Variants in RPIA observed in about 807,000 individuals in gnomAD.
RPIA encodes ribose-5-phosphate isomerase.
In RPIA, 29 loss-of-function variants were observed where a neutral mutation model predicts 37.8. That is an observed-to-expected ratio of 0.77 (90% CI 0.57 to 1.05). The LOEUF is 1.05. Ranked by LOEUF, RPIA falls within the 50% of genes least tolerant of loss-of-function variation. The pLI is 0.00. For synonymous variants in RPIA, 167 were observed against 157.0 expected (o/e 1.06, Z -0.48); for missense variants, 385 against 413.6 (o/e 0.93, Z 0.60).
At chr2:88,724,609 G>T (rs1673174935) in intron 3 of RPIA, among the ~76,000 whole-genome samples, 1 of 152,118 alleles carries the variant, frequency 6.6e-6, no homozygotes, top group Non-Finnish European at 1.5e-5. Flanking sequence ...GTGCCTGGCA[G>T]CTCCTGAGGA....
intron 3 of RPIA, among the ~76,000 whole-genome samples, chr2:88,701,682 CTA>C (rs1672834899): frequency 1.3e-3 from 1 of 800 alleles, no homozygotes; most frequent in South Asian, 0.045. Flanking sequence ...AGTTTGAGGA[CTA>C]TAGATCAGGG....
At chr2:88,728,216 G>A (rs2104123544) in intron 3 of RPIA, among the ~76,000 whole-genome samples, 1 of 152,156 alleles carries the variant, frequency 6.6e-6, no homozygotes, top group Non-Finnish European at 1.5e-5. Context: ...TTTTTTTATT[G>A]TCTTATCCTT....
At chr2:88,745,034 T>C (rs141615355) in intron 8 of RPIA, among the ~76,000 whole-genome samples, 3,058 of 152,298 alleles carry the variant, frequency 0.02, 152 homozygotes, top group Admixed American at 0.1. Flanking sequence ...CTTGGCTCAC[T>C]GCAACCTTCA....
Position 88,736,603 on chromosome 2 carries a change from A to G in RPIA, c.665A>G (p.Tyr222Cys), listed in dbSNP as rs1041290612. The change falls in exon 7 of 9, where the codon TAT (tyrosine) becomes TGT (cysteine). Residue 222 changes from tyrosine to cysteine, a missense_variant. Tyr to Cys is a radical substitution (Grantham distance 194, BLOSUM62 -2). Coordinates refer to ENST00000283646, the MANE Select transcript of RPIA (RefSeq NM_144563.3). ...GIPIEVIPMA[Y>C]VPVSRAVSQK... ...CCCATCGAGGTCATCCCAATGGCCT[A>G]TGTCCCAGTGAGCCGAGCTGTGAGC... 3.7e-6 allele frequency: 6 copies of G among 1,614,126 alleles called. No individual in the cohort carries two copies. Among genetic ancestry groups the G allele is most frequent in the African/African-American group, 1.3e-5 (1 of 75,036 alleles).
At chr2:88,722,877 T>G (rs578203539) in intron 3 of RPIA, among the ~76,000 whole-genome samples, 1 of 152,326 alleles carries the variant, frequency 6.6e-6, no homozygotes, top group East Asian at 1.9e-4. Context: ...TAGACTGTTT[T>G]TGGTACTGCA....
At chr2:88,704,984 A>G (rs1485964863) in intron 3 of RPIA, among the ~76,000 whole-genome samples, 1 of 152,190 alleles carries the variant, frequency 6.6e-6, no homozygotes, top group Non-Finnish European at 1.5e-5. Context: ...TACAAAGATA[A>G]TAAAATACCT....
intron 5 of RPIA, 83 bp downstream of exon 5, chr2:88,734,699 T>A (rs1342622966): frequency 2.8e-6 from 4 of 1,413,318 alleles, no homozygotes; most frequent in African/African-American, 1.4e-5. Context: ...AATAAACAAA[T>A]TGCCACTGTG....
At chr2:88,749,639 A>G (rs1278364378) in intron 8 of RPIA, among the ~76,000 whole-genome samples, 1 of 152,128 alleles carries the variant, frequency 6.6e-6, no homozygotes, top group Non-Finnish European at 1.5e-5. Context: ...ATGACTTGCC[A>G]TCTGATATGT....
chr2:88,693,792 A>T (rs79149780), intron 1 of RPIA, among the ~76,000 whole-genome samples: 2,725 of 152,314 alleles, frequency 0.018, 88 homozygotes, highest in African/African-American at 0.061. Context: ...CAATATGGTG[A>T]CCACTTCCGT....
intron 1 of RPIA, among the ~76,000 whole-genome samples, chr2:88,694,869 C>G (rs568265141): frequency 6.6e-6 from 1 of 151,870 alleles, no homozygotes; most frequent in African/African-American, 2.4e-5. Context: ...CAGGGTTTCC[C>G]CAGTCAGTCT....
chr2:88,705,834 C>G (rs1306458124), intron 3 of RPIA, among the ~76,000 whole-genome samples: 1 of 152,040 alleles, frequency 6.6e-6, no homozygotes, highest in African/African-American at 2.4e-5. Context: ...TATCTAGAAT[C>G]TACAAGGAAC....
chr2:88,749,025 T>C (rs1452401466), intron 8 of RPIA, among the ~76,000 whole-genome samples: 1 of 152,224 alleles, frequency 6.6e-6, no homozygotes, highest in Non-Finnish European at 1.5e-5. Flanking sequence ...TGAGCCACCA[T>C]ACCCAGCCTC....
chr2:88,736,774 C>A, intron 7 of RPIA, 98 bp downstream of exon 7: 1 of 1,387,906 alleles, frequency 7.2e-7, no homozygotes. Context: ...GTGCTTCCAC[C>A]AGGCAATTGG....
intron 4 of RPIA, among the ~76,000 whole-genome samples, chr2:88,733,127 T>C (rs1673267406): frequency 6.6e-6 from 1 of 152,096 alleles, no homozygotes; most frequent in African/African-American, 2.4e-5. Context: ...AATTGGGCTA[T>C]AAAGGCCAGG....
rs183840050 is a variant in RPIA at position 88,737,396 on chromosome 2, A to C, written c.739-581A>C. On this transcript the variant is annotated intron_variant, in intron 7 of 8. Transcript: ENST00000283646. ...CTGTTTCTGTGACTTTTAAAAAAAA[A>C]CCGTAGTTCTGTTCCTAGTGGTTGT... 9.9e-5 allele frequency among the ~76,000 whole-genome samples: 15 copies of C among 152,260 alleles called. No homozygotes were observed. In the East Asian group the frequency reaches 2.9e-3, roughly 29 times the overall value.
chr2:88,698,593 A>G (rs764166448), intron 2 of RPIA, 49 bp downstream of exon 2: 1 of 1,537,446 alleles, frequency 6.5e-7, no homozygotes, highest in South Asian at 1.1e-5. Flanking sequence ...ATGATGGGGT[A>G]GGGAGGTAGA....
chr2:88,741,193 C>A (rs1558700542), intron 8 of RPIA, among the ~76,000 whole-genome samples: 1 of 152,170 alleles, frequency 6.6e-6, no homozygotes, highest in Non-Finnish European at 1.5e-5. Context: ...AATGCATAGT[C>A]TTTTCTCCCT....
At chr2:88,729,409 G>A (rs974397580) in intron 4 of RPIA, 72 bp downstream of exon 4, 12 of 1,379,682 alleles carry the variant, frequency 8.7e-6, no homozygotes, top group Admixed American at 3.4e-5. Flanking sequence ...CTTGTTCATG[G>A]GCTCCAGATA....
chr2:88,708,475 A>G (rs1220943299), intron 3 of RPIA, among the ~76,000 whole-genome samples: 1 of 152,252 alleles, frequency 6.6e-6, no homozygotes, highest in Non-Finnish European at 1.5e-5. Context: ...ACATTATGGT[A>G]TTTAAGATCT....
Sources: allele counts gnomAD v4.1 joint callset (sites outside exome capture counted in the v4.1 genomes callset), GRCh38; gene constraint gnomAD v4.1.1; transcripts MANE v1.5; gene names NCBI Gene and HGNC (gene_info 2026-07-23, HGNC 2026-07-21).